ATP13A2: variants seen among roughly 807,000 people sequenced by gnomAD.
The protein encoded by ATP13A2 is polyamine-transporting ATPase 13A2.
In ATP13A2, 83 loss-of-function variants were observed where a neutral mutation model predicts 138.3. The ratio of observed to expected loss-of-function variants is 0.60; its 90% CI spans 0.50 to 0.72. The LOEUF (loss-of-function observed/expected upper bound fraction) is 0.72. Ranked by LOEUF, ATP13A2 falls within the 30% of genes least tolerant of loss-of-function variation. The pLI is 0.00. For synonymous variants in ATP13A2, 663 were observed against 699.0 expected (o/e 0.95, Z 0.81); for missense variants, 1,402 against 1,606.4 (o/e 0.87, Z 2.17).
rs757851198 is a variant in ATP13A2 at position 16,986,794 on chromosome 1, C to T, written c.3235+11G>A. 23 of 1,611,650 alleles carry T rather than the reference C, an allele frequency of 1.4e-5. No homozygotes were observed. In the East Asian group the frequency reaches 1.6e-4, roughly 11 times the overall value. On this transcript the variant is annotated intron_variant, in intron 27 of 28. Coordinates refer to ENST00000326735, the MANE Select transcript of ATP13A2 (RefSeq NM_022089.4). The surrounding 1 kb of genome is among the most constrained non-coding windows in gnomAD (Gnocchi z 6.9). Reference sequence around the variant, plus strand: ...TCCGCCAGCATCTCCCGCCCGCGCCCGCAGTGGCACCATTGGTGTAGAGCG... The same window carrying T: ...TCCGCCAGCATCTCCCGCCCGCGCCTGCAGTGGCACCATTGGTGTAGAGCG...
rs779652832 is a variant in ATP13A2 at position 16,996,176 on chromosome 1, C to A, written c.1354-12G>T. ...TCATTCAGAGGCACCTGGCAGGGGG[C>A]ACCATGAATGTGAGCACCTGGCTGG... On this transcript the variant is annotated splice_polypyrimidine_tract_variant and intron_variant, in intron 14 of 28. Coordinates refer to ENST00000326735, the MANE Select transcript of ATP13A2 (RefSeq NM_022089.4). The A allele has an allele frequency of 6.2e-7, 1 of 1,614,154 alleles. No homozygotes were observed. Among genetic ancestry groups the A allele is most frequent in the Non-Finnish European group, 8.5e-7 (1 of 1,180,046 alleles).
In ATP13A2 at chr1:16,989,736, G is replaced by A. The variant is rs774420241; in HGVS notation, c.2564C>T (p.Ala855Val). The change falls in exon 23 of 29, where the codon GCC becomes GTC. Residue 855 changes from alanine to valine, a missense_variant. Transcript: ENST00000326735. The stretch of plus-strand genomic sequence containing the variant: ...CACCAGCTCTGTCTTCTGCTCAGGG[G>A]CCATGCGGGCAAAGACAGTGCCCTG... Reference protein sequence around the residue: ...LVQGTVFARMAPEQKTELVCE... With the variant: ...LVQGTVFARMVPEQKTELVCE... The A allele has an allele frequency of 6.2e-7, 1 of 1,614,082 alleles. No individual in the cohort carries two copies. Among genetic ancestry groups the A allele is most frequent in the Non-Finnish European group, 8.5e-7 (1 of 1,180,034 alleles).
Position 17,005,139 on chromosome 1 carries a change from CCA to C in ATP13A2, c.289-69_289-68del, listed in dbSNP as rs1570893178. On this transcript the variant is annotated intron_variant, in intron 3 of 28. Transcript: ENST00000326735. ...TCCCCTCCCAGGCCCTGTCCTACAG[CCA>C]GGCGGCCCCTGCTGGAGAAGGCAGA... 5.0e-6 allele frequency: 8 copies of C among 1,598,418 alleles called. No homozygotes were observed. In the East Asian group the frequency reaches 1.8e-4, roughly 36 times the overall value.
chr1:16,986,713 T>C lies in ATP13A2; in HGVS notation c.3236-81A>G. 1 of 1,569,180 alleles carries C rather than the reference T, an allele frequency of 6.4e-7. No individual in the cohort carries two copies. Among genetic ancestry groups the C allele is most frequent in the Non-Finnish European group, 8.6e-7 (1 of 1,162,094 alleles). On this transcript the variant is annotated intron_variant, in intron 27 of 28. Coordinates refer to ENST00000326735, the MANE Select transcript of ATP13A2 (RefSeq NM_022089.4). The surrounding 1 kb of genome is among the most constrained non-coding windows in gnomAD (Gnocchi z 6.9). Reference sequence around the variant, plus strand: ...ACACGTGTGCACGCCAGTCTTCCACTCGGCCGGCACCTCTCTCCCATCTGC... The same window carrying C: ...ACACGTGTGCACGCCAGTCTTCCACCCGGCCGGCACCTCTCTCCCATCTGC...
rs761490280 is a variant in ATP13A2, at chr1:16,993,724, G to C, written c.1654C>G (p.Leu552Val). The change falls in exon 16 of 29, where the codon CTC becomes GTC. Residue 552 changes from leucine to valine, a missense_variant. Leu to Val is a conservative substitution (Grantham distance 32, BLOSUM62 1). Transcript: ENST00000326735. The stretch of plus-strand genomic sequence containing the variant: ...GCATGGCAGGTGGCCAGTGCTCGGA[G>C]CAGGGGCCCCACAGGCAGGCGGCGA... ...EPRRLPVGPL[L>V]RALATCHALS... 1 of 1,594,140 alleles carries C rather than the reference G, an allele frequency of 6.3e-7. No individual in the cohort carries two copies. Among genetic ancestry groups the C allele is most frequent in the South Asian group, 1.1e-5 (1 of 88,082 alleles).
Position 16,995,488 on chromosome 1 carries a change from A to C in ATP13A2, c.1542+488T>G. 5.3e-6 allele frequency: 1 copy of C among 190,440 alleles called. No homozygotes were observed. The highest frequency in any genetic ancestry group is 1.1e-5 in the Non-Finnish European group (1 of 92,890). 11.8% of individuals were successfully genotyped at this position (190,440 alleles called of 1,614,324 possible). A position where few individuals can be genotyped will look rare whatever the true frequency, so the allele number is the denominator to read the frequency against. On this transcript the variant is annotated intron_variant, in intron 15 of 28. Coordinates refer to ENST00000326735, the MANE Select transcript of ATP13A2 (RefSeq NM_022089.4). The surrounding 1 kb of genome is among the most constrained non-coding windows in gnomAD (Gnocchi z 4.1). ...CACCAGTAATTTTTTTTTTTTTTTG[A>C]GTTTTGCTCTGTCACCCAGGCTGGA...
In ATP13A2 at chr1:16,990,316, T is replaced by C. The variant is rs763394181; in HGVS notation, c.2252-29A>G. 6.2e-6 allele frequency: 10 copies of C among 1,613,286 alleles called. No individual in the cohort carries two copies. In the East Asian group the frequency reaches 2.2e-4, roughly 36 times the overall value. On this transcript the variant is annotated intron_variant, in intron 20 of 28. Coordinates refer to ENST00000326735, the MANE Select transcript of ATP13A2 (RefSeq NM_022089.4). ...GGGGTTATGGGGCAAGGTGAGGGTC[T>C]GAGGCTATCCGGGGAGGCCATCCTC... is the stretch of plus-strand genomic sequence containing the variant.
rs1238996106 is a variant in ATP13A2 at position 17,000,042 on chromosome 1, G to A, written c.1008C>T (p.Gly336=). The A allele has an allele frequency of 3.7e-6, 6 of 1,612,340 alleles. No individual in the cohort carries two copies. The highest frequency in any genetic ancestry group is 1.7e-5 in the Admixed American group (1 of 59,924). ...GAGAGCTCTCATTCACCATGCACTC[G>A]CCGGCCACCAGGGCGGCATCACAGG... is the stretch of plus-strand genomic sequence containing the variant. The part of the protein sequence containing the change: ...LMPCDAALVA[G]ECMVNESSLT... The change falls in exon 11 of 29, where the codon GGC becomes GGT. Residue 336 remains glycine (G), a synonymous_variant. Coordinates refer to ENST00000326735, the MANE Select transcript of ATP13A2 (RefSeq NM_022089.4).
In ATP13A2 at chr1:16,986,494, G is replaced by T; in HGVS notation, c.3374C>A (p.Thr1125Asn). 6.2e-7 allele frequency: 1 copy of T among 1,612,590 alleles called. No individual in the cohort carries two copies. Among genetic ancestry groups the T allele is most frequent in the Non-Finnish European group, 8.5e-7 (1 of 1,179,892 alleles). The change falls in exon 28 of 29, where the codon ACC becomes AAC. Residue 1125 changes from threonine to asparagine, a missense_variant. Thr to Asn is a moderately conservative substitution (Grantham distance 65). Transcript: ENST00000326735. The surrounding 1 kb of genome is among the most constrained non-coding windows in gnomAD (Gnocchi z 6.9). ...CATGAAGGCCCCCACGAAGTTGAGG[G>T]TGACCAGACCCAGCAGCAGCAGCTT... Reference protein sequence around the residue: ...GFKLLLLGLVTLNFVGAFMLE... With the variant: ...GFKLLLLGLVNLNFVGAFMLE...
At chr1:16,987,308 C>A in intron 25 of ATP13A2, 39 bp from the exon 26 acceptor site, 1 of 1,595,544 alleles carries the variant, frequency 6.3e-7, no homozygotes. Flanking sequence ...AAACTAAGAC[C>A]TGGCCCTGGC....
In ATP13A2 at chr1:16,995,994, C is replaced by G; in HGVS notation, c.1524G>C (p.Gln508His). ...PLRINLGGKL[Q>H]LVCFDKTGTL... The stretch of plus-strand genomic sequence containing the variant: ...GCCCCACCTTGTCGAAACACACCAG[C>G]TGCAGCTTGCCCCCCAGGTTGATGC... Residue 508 changes from glutamine (Q) to histidine (H), a missense_variant, in exon 15 of 29, where the codon CAG (glutamine) becomes CAC (histidine). Gln to His is a conservative substitution (Grantham distance 24, BLOSUM62 0). Transcript: ENST00000326735. This position sits in a 1 kb window ranked among gnomAD's most constrained non-coding sequence, Gnocchi z 4.1. 6.2e-7 allele frequency: 1 copy of G among 1,614,076 alleles called. No individual in the cohort carries two copies. Among genetic ancestry groups the G allele is most frequent in the East Asian group, 2.2e-5 (1 of 44,886 alleles).
chr1:17,002,922 C>A (rs919823757), intron 6 of ATP13A2, among the ~76,000 whole-genome samples: 1 of 152,202 alleles, frequency 6.6e-6, no homozygotes, highest in African/African-American at 2.4e-5. Flanking sequence ...GACAGCTGGA[C>A]CCTGAAAACA....
chr1:16,990,424 A>G lies in ATP13A2; in HGVS notation c.2252-137T>C. 3 of 1,122,286 alleles carry G rather than the reference A, an allele frequency of 2.7e-6. No homozygotes were observed. In the East Asian group the frequency reaches 7.6e-5, roughly 28 times the overall value. The allele number at this position is 1,122,286 out of a possible 1,614,324, so 69.5% of individuals were successfully genotyped here. A position where few individuals can be genotyped will look rare whatever the true frequency, so the allele number is the denominator to read the frequency against. On this transcript the variant is annotated intron_variant, in intron 20 of 28. Transcript: ENST00000326735. The stretch of plus-strand genomic sequence containing the variant: ...CCAAGTGAGCTGAGGCAGGTTACCA[A>G]CATCCCTTTGCCTCAGTTTTCTCAT...
At chr1:16,993,053 A>G (rs1455335316) in intron 16 of ATP13A2, among the ~76,000 whole-genome samples, 3 of 152,150 alleles carry the variant, frequency 2.0e-5, no homozygotes, top group African/African-American at 7.2e-5. Flanking sequence ...AGTAGCTGGG[A>G]CTACAGGCAT....
At chr1:16,993,856 G>A in intron 15 of ATP13A2, 21 bp from the exon 16 acceptor site, 2 of 1,534,376 alleles carry the variant, frequency 1.3e-6, no homozygotes, top group East Asian at 2.4e-5. Flanking sequence ...CAGGTGGGTG[G>A]GGCAGCGATG....
At chr1:16,994,909 G>A (rs889627689) in intron 15 of ATP13A2, among the ~76,000 whole-genome samples, 1 of 151,972 alleles carries the variant, frequency 6.6e-6, no homozygotes, top group South Asian at 2.1e-4. Flanking sequence ...TGATCCACCC[G>A]CCTCGGCCTC....
intron 6 of ATP13A2, among the ~76,000 whole-genome samples, chr1:17,003,510 A>G (rs1273435668): frequency 6.7e-6 from 1 of 148,946 alleles, no homozygotes; most frequent in Non-Finnish European, 1.5e-5. Context: ...TGAGCCGAGA[A>G]TGCGGCATTG....
chr1:17,009,524 A>C (rs1447190825), intron 1 of ATP13A2, among the ~76,000 whole-genome samples: 4 of 151,578 alleles, frequency 2.6e-5, no homozygotes, highest in Non-Finnish European at 5.9e-5. Context: ...CTGCCTCCCA[A>C]GTAGCTGGCA....
In ATP13A2 at chr1:17,011,795, G is replaced by T; in HGVS notation, c.-57C>A. ...CGCTGCGGCCCTCGGCCTGGGCCCC[G>T]GCGTGCGCAAGGCCCTGGGCGGGGG... On this transcript the variant is annotated 5_prime_UTR_variant, in exon 1 of 29. Coordinates refer to ENST00000326735, the MANE Select transcript of ATP13A2 (RefSeq NM_022089.4). The surrounding 1 kb of genome is among the most constrained non-coding windows in gnomAD (Gnocchi z 7.3). 7.5e-7 allele frequency: 1 copy of T among 1,325,516 alleles called. No individual in the cohort carries two copies. The highest frequency in any genetic ancestry group is 9.6e-7 in the Non-Finnish European group (1 of 1,037,116). The allele number at this position is 1,325,516 out of a possible 1,614,324, so 82.1% of individuals were successfully genotyped here.
Sources: allele counts gnomAD v4.1 joint callset (sites outside exome capture counted in the v4.1 genomes callset), GRCh38; gene constraint gnomAD v4.1.1; non-coding constraint Gnocchi (gnomAD v3.1); transcripts MANE v1.5; gene names NCBI Gene and HGNC (gene_info 2026-07-23, HGNC 2026-07-21).